The following MAGI2 variants were observed in gnomAD, a reference collection of about 807,000 sequenced individuals.
The protein encoded by MAGI2 is membrane-associated guanylate kinase, WW and PDZ domain-containing protein 2.
Under a neutral mutation model 133.3 loss-of-function variants are expected in MAGI2, and 35 were observed. The ratio of observed to expected loss-of-function variants is 0.26; its 90% CI spans 0.20 to 0.35. MAGI2 has a LOEUF of 0.35. Ranked by LOEUF, MAGI2 falls within the 10% of genes least tolerant of loss-of-function variation. The pLI is 1.00. For synonymous variants in MAGI2, 729 were observed against 710.6 expected, an observed-to-expected ratio of 1.03 and a Z score of -0.41; for missense variants, 1,636 against 1,863.4, an observed-to-expected ratio of 0.88 and a Z score of 2.25.
chr7:79,035,540 T>C lies in MAGI2; in HGVS notation c.302-28334A>G, dbSNP rs567535687. 3.9e-5 allele frequency among the ~76,000 whole-genome samples: 6 copies of C among 152,234 alleles called. No individual in the cohort carries two copies. In the South Asian group the frequency reaches 1.2e-3, roughly 32 times the overall value. ...ACCTTTTATGTAGTCTTTCTAAAAA[T>C]AGGTAAAGGCATAATTATGTAAATT... is the stretch of plus-strand genomic sequence containing the variant. On this transcript the variant is annotated intron_variant, in intron 1 of 21. Transcript: ENST00000354212.
intron 16 of MAGI2, among the ~76,000 whole-genome samples, chr7:78,159,588 T>A (rs1029515): frequency 0.11 from 17,117 of 152,164 alleles, 1,046 homozygotes; most frequent in East Asian, 0.17. Flanking sequence ...GGCGTCCACC[T>A]TAAGCCTTCT....
At chr7:79,261,701 CAAAG>C (rs922214871) in intron 1 of MAGI2, among the ~76,000 whole-genome samples, 40 of 152,248 alleles carry the variant, frequency 2.6e-4, no homozygotes, top group African/African-American at 9.4e-4. Context: ...GTCAATGAAA[CAAAG>C]AGCATTTTCC....
At position 79,163,678 on chromosome 7, in the gene MAGI2, G is replaced by T. The variant is rs373346512; in HGVS notation, c.302-156472C>A. Among the ~76,000 whole-genome samples, 95 of 152,182 alleles carry T rather than the reference G, an allele frequency of 6.2e-4. No individual in the cohort carries two copies. The South Asian group carries it at 0.013, about 21-fold the overall frequency. On this transcript the variant is annotated intron_variant, in intron 1 of 21. Coordinates refer to ENST00000354212, the MANE Select transcript of MAGI2 (RefSeq NM_012301.4). ...GATAAGGAAGGTAAACACACTGTGA[G>T]TCTGATCAAAGAATATAAGGATGCA...
At chr7:78,470,904 GT>G (rs1162836793) in intron 6 of MAGI2, among the ~76,000 whole-genome samples, 1 of 152,114 alleles carries the variant, frequency 6.6e-6, no homozygotes, top group East Asian at 1.9e-4. Context: ...CTCAGGATAT[GT>G]GAAATTAACA....
intron 2 of MAGI2, among the ~76,000 whole-genome samples, chr7:78,694,626 C>T (rs1283850722): frequency 6.6e-6 from 1 of 152,092 alleles, no homozygotes; most frequent in Non-Finnish European, 1.5e-5. Context: ...ATATAAAAGA[C>T]CCCTTCCATA....
intron 1 of MAGI2, among the ~76,000 whole-genome samples, chr7:79,437,232 C>T (rs117692647): frequency 0.055 from 8,338 of 152,142 alleles, 320 homozygotes; most frequent in Non-Finnish European, 0.087. Flanking sequence ...TGAAAAACTA[C>T]CTGTTGGGTA....
chr7:78,829,675 T>G (rs1790973952), intron 2 of MAGI2, among the ~76,000 whole-genome samples: 1 of 152,122 alleles, frequency 6.6e-6, no homozygotes, highest in African/African-American at 2.4e-5. Flanking sequence ...TGTTTTAAAA[T>G]TCCAATCTAG....
chr7:78,929,563 G>A (rs1022356300), intron 2 of MAGI2, among the ~76,000 whole-genome samples: 6 of 151,976 alleles, frequency 3.9e-5, no homozygotes, highest in Admixed American at 3.9e-4. Flanking sequence ...GCTTCTAGTG[G>A]CTGCCTGTAT....
intron 2 of MAGI2, among the ~76,000 whole-genome samples, chr7:78,945,633 A>C (rs1422383986): frequency 6.6e-6 from 1 of 152,144 alleles, no homozygotes; most frequent in Non-Finnish European, 1.5e-5. Context: ...TAAAGCAAAC[A>C]AGGCCCTTTG....
At chr7:78,756,772 C>T (rs148965776) in intron 2 of MAGI2, among the ~76,000 whole-genome samples, 1 of 152,244 alleles carries the variant, frequency 6.6e-6, no homozygotes, top group African/African-American at 2.4e-5. Context: ...ATTTCTTACC[C>T]ACCCAGCTTG....
chr7:78,806,133 GCAGTA>G, intron 2 of MAGI2, among the ~76,000 whole-genome samples: 1 of 152,248 alleles, frequency 6.6e-6, no homozygotes, highest in Non-Finnish European at 1.5e-5. Context: ...CTTTATATAA[GCAGTA>G]TAAGTGATAC....
At position 79,135,591 on chromosome 7, in the gene MAGI2, C is replaced by G. The variant is rs552832432; in HGVS notation, c.302-128385G>C. The stretch of plus-strand genomic sequence containing the variant: ...CTGCTTCCCCTGCCTGTTGCTAGCC[C>G]CTTGACATCTTCCTTTTCTGTTTCT... On this transcript the variant is annotated intron_variant, in intron 1 of 21. Transcript: ENST00000354212. 3.3e-5 allele frequency among the ~76,000 whole-genome samples: 5 copies of G among 152,186 alleles called. No homozygotes were observed. The South Asian group carries it at 1.0e-3, about 32-fold the overall frequency.
At chr7:78,714,888 T>C (rs1351893223) in intron 2 of MAGI2, among the ~76,000 whole-genome samples, 1 of 152,202 alleles carries the variant, frequency 6.6e-6, no homozygotes. Flanking sequence ...AGAGCTTTGA[T>C]TAAATTGCTT....
chr7:78,735,432 T>C (rs1486251265), intron 2 of MAGI2, among the ~76,000 whole-genome samples: 1 of 152,318 alleles, frequency 6.6e-6, no homozygotes, highest in African/African-American at 2.4e-5. Context: ...TACTAAGTTG[T>C]CCTTTTCAAA....
intron 1 of MAGI2, 76 bp downstream of exon 1, chr7:79,452,944 C>T (rs1352475879): frequency 4.1e-6 from 6 of 1,450,480 alleles, no homozygotes; most frequent in South Asian, 4.1e-5. Context: ...TCAACATGCG[C>T]GGCCACCCTT....
intron 14 of MAGI2, among the ~76,000 whole-genome samples, chr7:78,169,663 C>G (rs1402663539): frequency 6.6e-6 from 1 of 152,172 alleles, no homozygotes; most frequent in African/African-American, 2.4e-5. Flanking sequence ...TCCCCTTATT[C>G]CTGGGGAGTG....
intron 1 of MAGI2, among the ~76,000 whole-genome samples, chr7:79,227,369 G>C (rs1018718112): frequency 5.9e-5 from 9 of 152,156 alleles, no homozygotes; most frequent in Admixed American, 1.3e-4. Flanking sequence ...CCATGGCAGG[G>C]ACATTTAATG....
chr7:78,927,068 G>A (rs1185490666), intron 2 of MAGI2, among the ~76,000 whole-genome samples: 15 of 152,116 alleles, frequency 9.9e-5, no homozygotes, highest in East Asian at 9.7e-4. Flanking sequence ...AAAATGGGAC[G>A]TAGCATGTAA....
At chr7:78,501,952 T>C (rs1794665919) in intron 4 of MAGI2, among the ~76,000 whole-genome samples, 165 bp from the exon 5 acceptor site, 1 of 152,226 alleles carries the variant, frequency 6.6e-6, no homozygotes, top group Non-Finnish European at 1.5e-5. Context: ...ATTTGAGCTC[T>C]CCTTTCACTC....
Sources: gnomAD v4.1 joint callset for allele counts (sites outside exome capture counted in the v4.1 genomes callset) on GRCh38, gnomAD v4.1.1 for gene constraint, MANE v1.5 for transcripts, NCBI Gene and HGNC (gene_info 2026-07-23, HGNC 2026-07-21) for gene names.